The following AKAP6 variants were observed in gnomAD, a reference collection of about 807,000 sequenced individuals.
The protein encoded by AKAP6 is A-kinase anchor protein 6.
A neutral mutation model predicts 188.5 loss-of-function variants in AKAP6; 58 were observed. The ratio of observed to expected loss-of-function variants is 0.31; its 90% CI spans 0.25 to 0.38. The LOEUF (loss-of-function observed/expected upper bound fraction) is 0.38, where lower values mean the gene tolerates loss of function less well. Among genes scored for constraint, AKAP6 ranks in the 10% least tolerant of loss-of-function variants. The probability of loss-of-function intolerance (pLI) is 1.00; values close to 1 mark genes in which losing one functional copy is unlikely to be tolerated. For missense variants in AKAP6, 2,710 were observed against 2,740.0 expected (o/e 0.99, Z 0.24); for synonymous variants, 989 against 998.6 (o/e 0.99, Z 0.18).
intron 1 of AKAP6, among the ~76,000 whole-genome samples, chr14:32,421,045 A>C (rs954120100): frequency 6.6e-6 from 1 of 151,960 alleles, no homozygotes; most frequent in Middle Eastern, 3.2e-3. Context: ...ATGTAAAACA[A>C]ATTGTCTTCT....
chr14:32,694,527 C>T (rs1890318079), intron 8 of AKAP6, among the ~76,000 whole-genome samples: 1 of 152,138 alleles, frequency 6.6e-6, no homozygotes, highest in South Asian at 2.1e-4. Context: ...AAACACTGCT[C>T]TAGGCCACCA....
chr14:32,529,501 A>G (rs1882297712), intron 2 of AKAP6, among the ~76,000 whole-genome samples: 1 of 152,114 alleles, frequency 6.6e-6, no homozygotes, highest in Non-Finnish European at 1.5e-5. Context: ...GACTTCTAGT[A>G]TGATGTTGTA....
At chr14:32,513,855 AACTT>A (rs1462465301) in intron 2 of AKAP6, among the ~76,000 whole-genome samples, 2 of 152,160 alleles carry the variant, frequency 1.3e-5, no homozygotes, top group Non-Finnish European at 2.9e-5. Flanking sequence ...ACTCTTTTAT[AACTT>A]ACTTCTTTTC....
rs779867395 is a variant in AKAP6 at position 32,615,591 on chromosome 14, C to CTTTTTTTTTTTTTTTTTTT, written c.2730+14803_2730+14821dup. On this transcript the variant is annotated intron_variant, in intron 7 of 13. Transcript: ENST00000280979. Reference sequence around the variant, plus strand: ...TGTTTCCCCCAATGCTAAACCATTACTTTTTTTTTTTTTTTTTTTTTTGAG... The same window carrying CTTTTTTTTTTTTTTTTTTT: ...TGTTTCCCCCAATGCTAAACCATTACTTTTTTTTTTTTTTTTTTTTTTTTTTTTTTTTTTTTTTTTTGAG... Among the ~76,000 whole-genome samples the CTTTTTTTTTTTTTTTTTTT allele has an allele frequency of 9.5e-5, 11 of 115,264 alleles. 1 individual carries two copies. Among genetic ancestry groups the CTTTTTTTTTTTTTTTTTTT allele is most frequent in the African/African-American group, 3.5e-4 (9 of 26,052 alleles). The allele number at this position is 115,264 out of a possible 152,430, so 75.6% of individuals were successfully genotyped here.
intron 1 of AKAP6, among the ~76,000 whole-genome samples, chr14:32,339,061 T>C (rs184963071): frequency 7.2e-4 from 109 of 152,326 alleles, no homozygotes; most frequent in Non-Finnish European, 1.2e-3. Context: ...ATAACACTTA[T>C]CACCTTCTGC....
chr14:32,804,668 A>G (rs1184406657), intron 12 of AKAP6, among the ~76,000 whole-genome samples: 2 of 152,092 alleles, frequency 1.3e-5, no homozygotes, highest in African/African-American at 4.8e-5. Context: ...TCTGACCACA[A>G]ATTTACCAGG....
intron 7 of AKAP6, among the ~76,000 whole-genome samples, chr14:32,651,262 G>C (rs1566626202): frequency 6.6e-6 from 1 of 152,100 alleles, no homozygotes; most frequent in African/African-American, 2.4e-5. Context: ...TTTTAAGCAA[G>C]GTGTTCATGA....
chr14:32,530,440 G>C lies in AKAP6; in HGVS notation c.325-5114G>C, dbSNP rs138775773. ...CCAAGTGTTGCTTCAGTACCTGGGT[G>C]AGGATGTTGCTGGGAGGGCAGACTT... On this transcript the variant is annotated intron_variant, in intron 2 of 13. Transcript: ENST00000280979. Among the ~76,000 whole-genome samples the C allele has an allele frequency of 2.4e-3, 364 of 152,266 alleles. 3 individuals are homozygous for C. Among genetic ancestry groups the C allele is most frequent in the African/African-American group, 8.5e-3 (355 of 41,578 alleles).
At chr14:32,796,818 A>G (rs1398445020) in intron 12 of AKAP6, among the ~76,000 whole-genome samples, 3 of 152,186 alleles carry the variant, frequency 2.0e-5, no homozygotes, top group Non-Finnish European at 2.9e-5. Flanking sequence ...TTAAACCAAG[A>G]GAGCTTCTGC....
At chr14:32,620,974 A>G (rs1886794183) in intron 7 of AKAP6, among the ~76,000 whole-genome samples, 1 of 151,882 alleles carries the variant, frequency 6.6e-6, no homozygotes, top group African/African-American at 2.4e-5. Flanking sequence ...GTAGTCTGGA[A>G]TGATCATTTG....
At chr14:32,525,410 G>A (rs1882070323) in intron 2 of AKAP6, among the ~76,000 whole-genome samples, 1 of 152,156 alleles carries the variant, frequency 6.6e-6, no homozygotes, top group Non-Finnish European at 1.5e-5. Flanking sequence ...TATATGGCCA[G>A]GTATATCCTG....
chr14:32,352,770 C>A (rs755732310), intron 1 of AKAP6, among the ~76,000 whole-genome samples: 2 of 152,184 alleles, frequency 1.3e-5, no homozygotes, highest in African/African-American at 2.4e-5. Flanking sequence ...TATTCCATTG[C>A]GTATGTGTAC....
intron 9 of AKAP6, among the ~76,000 whole-genome samples, chr14:32,713,554 C>T (rs2030010758): frequency 6.6e-6 from 1 of 151,990 alleles, no homozygotes; most frequent in Admixed American, 6.6e-5. Context: ...GCTAGATCTT[C>T]TGGAGAACTT....
At chr14:32,662,719 C>T (rs188182157) in intron 7 of AKAP6, among the ~76,000 whole-genome samples, 2 of 152,196 alleles carry the variant, frequency 1.3e-5, no homozygotes, top group African/African-American at 4.8e-5. Context: ...TTATAATTAG[C>T]AGGTAATCTG....
At chr14:32,392,531 C>T (rs1287560932) in intron 1 of AKAP6, among the ~76,000 whole-genome samples, 1 of 152,092 alleles carries the variant, frequency 6.6e-6, no homozygotes, top group Non-Finnish European at 1.5e-5. Context: ...AGTGAAAGCC[C>T]AGTAGCCATG....
At chr14:32,629,822 C>G (rs928412389) in intron 7 of AKAP6, among the ~76,000 whole-genome samples, 3 of 151,866 alleles carry the variant, frequency 2.0e-5, no homozygotes, top group African/African-American at 7.3e-5. Flanking sequence ...TGCCTGTAAT[C>G]TGAACACTTT....
chr14:32,422,187 G>C (rs888256497), intron 1 of AKAP6, among the ~76,000 whole-genome samples: 1 of 152,044 alleles, frequency 6.6e-6, no homozygotes, highest in Non-Finnish European at 1.5e-5. Flanking sequence ...GGCCAAGCTT[G>C]AGGTTAAGGG....
At chr14:32,674,003 C>T (rs528807401) in intron 7 of AKAP6, among the ~76,000 whole-genome samples, 1 of 152,264 alleles carries the variant, frequency 6.6e-6, no homozygotes, top group East Asian at 1.9e-4. Flanking sequence ...TAGAGTGGAT[C>T]TACTTTTGAT....
At chr14:32,786,528 G>T (rs918294278) in intron 12 of AKAP6, among the ~76,000 whole-genome samples, 4 of 151,530 alleles carry the variant, frequency 2.6e-5, no homozygotes, top group Non-Finnish European at 4.4e-5. Context: ...GTTTTACCGT[G>T]TTAGCCAGGA....
Sources: gnomAD v4.1 joint callset for allele counts (sites outside exome capture counted in the v4.1 genomes callset) on GRCh38, gnomAD v4.1.1 for gene constraint, MANE v1.5 for transcripts, NCBI Gene and HGNC (gene_info 2026-07-23, HGNC 2026-07-21) for gene names.